ADAM22: variants seen among roughly 807,000 people sequenced by gnomAD.
ADAM22 encodes the protein ADAM metallopeptidase domain 22, also known as disintegrin and metalloproteinase domain-containing protein 22.
ADAM22 carries 65 observed loss-of-function variants against 144.6 expected under a neutral mutation model. The observed-to-expected ratio is 0.45, with a 90% CI of 0.37 to 0.55. ADAM22 has a LOEUF of 0.55. Ranked by LOEUF, ADAM22 falls within the 20% of genes least tolerant of loss-of-function variation. The pLI, the probability that ADAM22 is intolerant of heterozygous loss-of-function variation, is 0.00. For missense variants in ADAM22, 974 were observed against 1,184.9 expected (o/e 0.82, Z 2.61); for synonymous variants, 391 against 412.6 (o/e 0.95, Z 0.63).
chr7:88,088,734 A>C (rs1330554208), intron 4 of ADAM22, among the ~76,000 whole-genome samples: 1 of 152,208 alleles, frequency 6.6e-6, no homozygotes, highest in Admixed American at 6.6e-5. Context: ...CAATACTTGA[A>C]TAACTCGAAA....
intron 14 of ADAM22, among the ~76,000 whole-genome samples, chr7:88,138,808 A>G (rs1377502644): frequency 6.6e-6 from 1 of 152,240 alleles, no homozygotes; most frequent in Non-Finnish European, 1.5e-5. Context: ...AGAACTGTTC[A>G]GAAGTTAGAG....
intron 4 of ADAM22, among the ~76,000 whole-genome samples, chr7:88,094,622 T>C (rs80203297): frequency 0.032 from 4,860 of 152,294 alleles, 284 homozygotes; most frequent in African/African-American, 0.11. Flanking sequence ...TTCTCTTCTC[T>C]TGAAAATCTG....
intron 4 of ADAM22, among the ~76,000 whole-genome samples, chr7:88,095,662 A>G (rs1209600092): frequency 6.6e-6 from 1 of 152,160 alleles, no homozygotes; most frequent in East Asian, 1.9e-4. Flanking sequence ...AATATCAACA[A>G]TTGGCCTGCG....
intron 3 of ADAM22, among the ~76,000 whole-genome samples, chr7:88,043,407 C>A (rs76493218): frequency 0.029 from 4,433 of 151,448 alleles, 211 homozygotes; most frequent in African/African-American, 0.1. Flanking sequence ...ATGGTGTAAA[C>A]CTGGGTGGCA....
chr7:88,078,795 GA>G (rs1815518897), intron 4 of ADAM22, among the ~76,000 whole-genome samples: 1 of 152,088 alleles, frequency 6.6e-6, no homozygotes, highest in African/African-American at 2.4e-5. Context: ...GAAGTTCAGA[GA>G]AAAAAGAATA....
At chr7:88,176,235 A>T (rs1232221319) in intron 26 of ADAM22, among the ~76,000 whole-genome samples, 2 of 152,206 alleles carry the variant, frequency 1.3e-5, no homozygotes, top group African/African-American at 4.8e-5. Flanking sequence ...AGCCTTCCAG[A>T]AACATTATTC....
intron 4 of ADAM22, among the ~76,000 whole-genome samples, chr7:88,076,412 C>G (rs1814508699): frequency 6.6e-6 from 1 of 152,120 alleles, no homozygotes; most frequent in South Asian, 2.1e-4. Context: ...TGAAATTTGC[C>G]TTTAATGTTA....
chr7:88,094,414 G>A (rs1291649034), intron 4 of ADAM22, among the ~76,000 whole-genome samples: 1 of 152,212 alleles, frequency 6.6e-6, no homozygotes, highest in Non-Finnish European at 1.5e-5. Flanking sequence ...CAGGATCTTG[G>A]TGTGTGAAAG....
chr7:88,039,376 C>T (rs979081760), intron 3 of ADAM22, among the ~76,000 whole-genome samples: 17 of 144,790 alleles, frequency 1.2e-4, no homozygotes, highest in Admixed American at 4.3e-4. Flanking sequence ...CGGGAGGCGG[C>T]GGTTGCAGTG....
chr7:88,134,469 T>A, intron 13 of ADAM22, 50 bp downstream of exon 13: 1 of 1,400,910 alleles, frequency 7.1e-7, no homozygotes, highest in South Asian at 1.3e-5. Flanking sequence ...AGACTATTTG[T>A]GAAATATTTT....
At chr7:88,050,341 C>T (rs1038319137) in intron 3 of ADAM22, among the ~76,000 whole-genome samples, 1 of 151,254 alleles carries the variant, frequency 6.6e-6, no homozygotes, top group Non-Finnish European at 1.5e-5. Flanking sequence ...TGCAGTGAGC[C>T]ATGATTGTGC....
intron 16 of ADAM22, 71 bp downstream of exon 16, chr7:88,145,267 G>T: frequency 7.1e-6 from 11 of 1,543,714 alleles, no homozygotes; most frequent in African/African-American, 2.7e-5. Context: ...ACACTGAGAT[G>T]TATGGAGCAA....
At chr7:88,181,403 A>T in intron 27 of ADAM22, 102 bp from the exon 28 acceptor site, 3 of 871,160 alleles carry the variant, frequency 3.4e-6, no homozygotes, top group Admixed American at 2.7e-5. Flanking sequence ...TTCTTGATTT[A>T]TTTTATTTAA....
At chr7:87,999,633 A>G (rs183740020) in intron 3 of ADAM22, among the ~76,000 whole-genome samples, 1 of 152,344 alleles carries the variant, frequency 6.6e-6, no homozygotes, top group African/African-American at 2.4e-5. Flanking sequence ...AATATTTACA[A>G]CATTTTAAAA....
At chr7:88,140,101 G>A (rs1834159097) in intron 14 of ADAM22, among the ~76,000 whole-genome samples, 1 of 151,884 alleles carries the variant, frequency 6.6e-6, no homozygotes, top group South Asian at 2.1e-4. Flanking sequence ...GAAGGGAGGG[G>A]GTGCTAGGCT....
intron 11 of ADAM22, 188 bp downstream of exon 11, chr7:88,131,623 TTTGAG>T: frequency 1.8e-6 from 1 of 569,622 alleles, no homozygotes; most frequent in East Asian, 2.8e-5. Flanking sequence ...AAGTTTTAAT[TTTGAG>T]TTATTTTATT....
intron 1 of ADAM22, 109 bp downstream of exon 1, chr7:87,934,659 G>GT: frequency 1.1e-5 from 9 of 835,114 alleles, no homozygotes; most frequent in Non-Finnish European, 1.4e-5. Context: ...TGCGCGGGGA[G>GT]ATTTTTTTTT....
chr7:88,150,023 G>A (rs1837851805), intron 18 of ADAM22, among the ~76,000 whole-genome samples: 1 of 152,152 alleles, frequency 6.6e-6, no homozygotes. Flanking sequence ...ATCCCTGAGA[G>A]ATGTGAAGAT....
At chr7:88,005,920 A>G (rs1459419297) in intron 3 of ADAM22, among the ~76,000 whole-genome samples, 1 of 152,186 alleles carries the variant, frequency 6.6e-6, no homozygotes, top group Non-Finnish European at 1.5e-5. Flanking sequence ...AAATACCACA[A>G]AAACCTAGAA....
Sources: gnomAD v4.1 joint callset for allele counts (sites outside exome capture counted in the v4.1 genomes callset) on GRCh38, gnomAD v4.1.1 for gene constraint, MANE v1.5 for transcripts, NCBI Gene and HGNC (gene_info 2026-07-23, HGNC 2026-07-21) for gene names.